NUMB: variants seen among roughly 807,000 people sequenced by gnomAD.
NUMB encodes the protein NUMB endocytic adaptor protein.
A neutral mutation model predicts 59.7 loss-of-function variants in NUMB; 29 were observed. The ratio of observed to expected loss-of-function variants is 0.49; its 90% confidence interval spans 0.36 to 0.66. The LOEUF is 0.66. NUMB is among the 30% of genes least tolerant of loss of function. The probability of loss-of-function intolerance (pLI) is 0.00; values close to 1 mark genes in which losing one functional copy is unlikely to be tolerated. For synonymous variants in NUMB, 288 were observed against 288.2 expected (o/e 1.00, Z 0.01); for missense variants, 723 against 822.0 (o/e 0.88, Z 1.47).
chr14:73,282,102 G>T, intron 11 of NUMB: 1 of 392,472 alleles, frequency 2.5e-6, no homozygotes, highest in Non-Finnish European at 4.6e-6. Context: ...GCAGTAGGTT[G>T]GGACTACAGA....
chr14:73,321,652 T>A (rs1407800587), intron 5 of NUMB, among the ~76,000 whole-genome samples: 1 of 152,228 alleles, frequency 6.6e-6, no homozygotes, highest in East Asian at 1.9e-4. Flanking sequence ...TATATTTAGG[T>A]TGGCATGGAA....
Position 73,279,431 on chromosome 14 carries a change from C to T in NUMB, c.1097-7G>A, listed in dbSNP as rs562572537. On this transcript the variant is annotated splice_polypyrimidine_tract_variant and splice_region_variant and intron_variant, in intron 11 of 12. Transcript: ENST00000555238. ...GCTGAGTCAGTGCCATTAGCTACAACGGGAGCAGACAACATCAATGGAGTT... is the reference window on the plus strand; with the variant it reads ...GCTGAGTCAGTGCCATTAGCTACAATGGGAGCAGACAACATCAATGGAGTT... The T allele has an allele frequency of 1.2e-5, 19 of 1,568,226 alleles. No homozygotes were observed. Among genetic ancestry groups the T allele is most frequent in the East Asian group, 2.3e-5 (1 of 44,432 alleles).
intron 1 of NUMB, among the ~76,000 whole-genome samples, chr14:73,417,692 A>G (rs1176935039): frequency 6.6e-6 from 1 of 152,224 alleles, no homozygotes; most frequent in Non-Finnish European, 1.5e-5. Context: ...TATATACCCA[A>G]AATAACTGAA....
At chr14:73,423,832 G>A (rs1175752113) in intron 1 of NUMB, among the ~76,000 whole-genome samples, 1 of 151,686 alleles carries the variant, frequency 6.6e-6, no homozygotes, top group Non-Finnish European at 1.5e-5. Flanking sequence ...CAGGCATGGT[G>A]GTGCATGCCT....
intron 1 of NUMB, among the ~76,000 whole-genome samples, chr14:73,444,944 C>T (rs1251606256): frequency 6.6e-6 from 1 of 151,222 alleles, no homozygotes; most frequent in Non-Finnish European, 1.5e-5. Context: ...CCTCCCCAAA[C>T]GAGAGACTTG....
chr14:73,361,333 T>C (rs988839870), intron 3 of NUMB, among the ~76,000 whole-genome samples: 17 of 152,230 alleles, frequency 1.1e-4, no homozygotes, highest in Admixed American at 2.0e-4. Context: ...TCTTAACTAA[T>C]GTAAATGTTA....
chr14:73,350,149 T>C (rs1238908790), intron 4 of NUMB, among the ~76,000 whole-genome samples: 1 of 149,060 alleles, frequency 6.7e-6, no homozygotes, highest in Admixed American at 6.7e-5. Flanking sequence ...TCATCTCTGC[T>C]CAGGGCAATA....
chr14:73,303,362 C>A (rs1007455106), intron 6 of NUMB, among the ~76,000 whole-genome samples: 3 of 152,176 alleles, frequency 2.0e-5, no homozygotes, highest in Non-Finnish European at 4.4e-5. Context: ...AGTGGATCAC[C>A]TGAGGTCAGG....
At chr14:73,287,872 C>T (rs541801398) in intron 8 of NUMB, among the ~76,000 whole-genome samples, 2 of 152,266 alleles carry the variant, frequency 1.3e-5, no homozygotes, top group South Asian at 4.1e-4. Context: ...ATGGAGAACT[C>T]TTTATCACTT....
At chr14:73,334,813 G>A (rs1352696073) in intron 4 of NUMB, among the ~76,000 whole-genome samples, 1 of 151,992 alleles carries the variant, frequency 6.6e-6, no homozygotes, top group African/African-American at 2.4e-5. Context: ...GCCAGGAGTG[G>A]TGGTGGGCGC....
At chr14:73,283,564 GAAC>G (rs1314404819) in intron 10 of NUMB, among the ~76,000 whole-genome samples, 4 of 152,196 alleles carry the variant, frequency 2.6e-5, no homozygotes, top group Admixed American at 2.6e-4. Flanking sequence ...GAATACTTGT[GAAC>G]AAGTCCACTG....
intron 4 of NUMB, among the ~76,000 whole-genome samples, chr14:73,329,318 G>A (rs1222188424): frequency 6.6e-6 from 1 of 152,164 alleles, no homozygotes; most frequent in African/African-American, 2.4e-5. Flanking sequence ...GATTGTAAGT[G>A]CCACAATGGT....
intron 6 of NUMB, among the ~76,000 whole-genome samples, chr14:73,306,935 C>A (rs901079832): frequency 1.2e-4 from 19 of 152,182 alleles, no homozygotes; most frequent in African/African-American, 4.6e-4. Context: ...ACTGTCCTCA[C>A]AGAGCTTACA....
chr14:73,319,645 C>T (rs1181577656), intron 5 of NUMB, among the ~76,000 whole-genome samples: 1 of 151,920 alleles, frequency 6.6e-6, no homozygotes, highest in Non-Finnish European at 1.5e-5. Context: ...TTGTAGATCC[C>T]CAGTGGATGA....
intron 1 of NUMB, among the ~76,000 whole-genome samples, chr14:73,440,402 T>A (rs1595042573): frequency 6.6e-6 from 1 of 151,800 alleles, no homozygotes; most frequent in Non-Finnish European, 1.5e-5. Flanking sequence ...AAGAGCCAAC[T>A]CTATAAAACT....
rs544901450 is a variant in NUMB, at chr14:73,370,128, G to C, written c.-100-3147C>G. On this transcript the variant is annotated intron_variant, in intron 2 of 12. Transcript: ENST00000555238. ...CTAATTGTTATTGTAATGGTAGTGG[G>C]GGGGGTGGGACCATTAAGAGATAAT... Among the ~76,000 whole-genome samples, 7 of 152,116 alleles carry C rather than the reference G, an allele frequency of 4.6e-5. No homozygotes were observed. In the East Asian group the frequency reaches 5.8e-4, roughly 13 times the overall value.
At chr14:73,291,851 T>C (rs547665669) in intron 8 of NUMB, among the ~76,000 whole-genome samples, 7 of 150,196 alleles carry the variant, frequency 4.7e-5, no homozygotes, top group Non-Finnish European at 1.0e-4. Context: ...GCCCAGCTAA[T>C]TTTTTTGTAT....
intron 5 of NUMB, among the ~76,000 whole-genome samples, chr14:73,317,732 A>G (rs1566740659): frequency 6.6e-6 from 1 of 152,200 alleles, no homozygotes; most frequent in Non-Finnish European, 1.5e-5. Context: ...ATTTATGAAA[A>G]CTGGCCACCA....
intron 2 of NUMB, among the ~76,000 whole-genome samples, chr14:73,375,046 A>G (rs766380504): frequency 6.6e-6 from 1 of 152,122 alleles, no homozygotes; most frequent in Non-Finnish European, 1.5e-5. Flanking sequence ...TTATTTGCTA[A>G]GGTGTTGCCT....
Sources: gnomAD v4.1 joint callset for allele counts (sites outside exome capture counted in the v4.1 genomes callset) on GRCh38, gnomAD v4.1.1 for gene constraint, MANE v1.5 for transcripts, NCBI Gene and HGNC (gene_info 2026-07-23, HGNC 2026-07-21) for gene names.